PHF11: variants seen among roughly 807,000 people sequenced by gnomAD.
The protein encoded by PHF11 is PHD finger protein 11.
Under a neutral mutation model 40.5 loss-of-function variants are expected in PHF11, and 38 were observed. That is an observed-to-expected ratio of 0.94 (90% confidence interval 0.72 to 1.23). The LOEUF (loss-of-function observed/expected upper bound fraction) is 1.23, where lower values mean the gene tolerates loss of function less well. Among genes scored for constraint, PHF11 ranks in the 50% most tolerant of loss-of-function variants. The pLI, the probability that PHF11 is intolerant of heterozygous loss-of-function variation, is 0.00. For missense variants in PHF11, 369 were observed against 392.4 expected (o/e 0.94, Z 0.50); for synonymous variants, 127 against 138.2 (o/e 0.92, Z 0.57).
intron 8 of PHF11, among the ~76,000 whole-genome samples, chr13:49,524,729 G>C (rs1223822952): frequency 2.0e-5 from 3 of 151,912 alleles, no homozygotes; most frequent in Non-Finnish European, 4.4e-5. Flanking sequence ...GTCCACCTCG[G>C]CCTCCCAAAG....
At chr13:49,496,127 G>T in intron 1 of PHF11, 32 bp downstream of exon 1, 2 of 1,041,860 alleles carry the variant, frequency 1.9e-6, no homozygotes, top group African/African-American at 1.7e-5. Flanking sequence ...GGGCGGGCGG[G>T]CGGGGCTGGG....
At chr13:49,505,896 G>T (rs1958981045) in intron 1 of PHF11, among the ~76,000 whole-genome samples, 1 of 151,978 alleles carries the variant, frequency 6.6e-6, no homozygotes, top group South Asian at 2.1e-4. Flanking sequence ...AATTCTCATA[G>T]AATTTATTTT....
chr13:49,496,356 G>C (rs1958807901), intron 1 of PHF11: 23 of 1,130,746 alleles, frequency 2.0e-5, no homozygotes, highest in Non-Finnish European at 2.5e-5. Context: ...CGCGCGAGTG[G>C]TGGGCACGCT....
chr13:49,523,442 T>A (rs1337472329), intron 7 of PHF11: 3 of 579,542 alleles, frequency 5.2e-6, no homozygotes, highest in Non-Finnish European at 9.2e-6. Context: ...AATGGTCCAT[T>A]GCATTCAGTA....
Position 49,528,936 on chromosome 13 carries a change from CCAT to C in PHF11, c.*272_*274del. On this transcript the variant is annotated 3_prime_UTR_variant, in exon 10 of 10. Transcript: ENST00000378319. ...CTTAACCTTTGATTCTACTTACAGC[CCAT>C]GATAGCCTCTTAGATATAATAAATT... 3.3e-6 allele frequency: 1 copy of C among 301,976 alleles called. No homozygotes were observed. The highest frequency in any genetic ancestry group is 2.2e-5 in the African/African-American group (1 of 46,486). The allele number at this position is 301,976 out of a possible 1,614,324, so 18.7% of individuals were successfully genotyped here. A position where few individuals can be genotyped will look rare whatever the true frequency, so the allele number is the denominator to read the frequency against.
At chr13:49,496,523 C>G in intron 1 of PHF11, 1 of 865,364 alleles carries the variant, frequency 1.2e-6, no homozygotes, top group Non-Finnish European at 1.4e-6. Context: ...CTGGGTCTCA[C>G]GTTCACGGAG....
At chr13:49,517,022 C>G (rs9596129) in intron 3 of PHF11, among the ~76,000 whole-genome samples, 1 of 151,950 alleles carries the variant, frequency 6.6e-6, no homozygotes, top group Non-Finnish European at 1.5e-5. Context: ...TTATCTGGTT[C>G]GAGCTTTAAT....
chr13:49,503,215 G>A (rs748024577), intron 1 of PHF11, among the ~76,000 whole-genome samples: 1 of 151,970 alleles, frequency 6.6e-6, no homozygotes, highest in Non-Finnish European at 1.5e-5. Context: ...CCTCTACAGT[G>A]TTCCTCCTAG....
intron 5 of PHF11, chr13:49,521,372 G>A: frequency 1.0e-6 from 1 of 988,522 alleles, no homozygotes; most frequent in Non-Finnish European, 1.2e-6. Context: ...CTGGAGTCAT[G>A]GGGTATACTT....
intron 3 of PHF11, among the ~76,000 whole-genome samples, chr13:49,516,251 C>T (rs1235792173): frequency 6.6e-6 from 1 of 152,008 alleles, no homozygotes; most frequent in African/African-American, 2.4e-5. Context: ...GATCATTGTA[C>T]CTTGTCTCCA....
In PHF11 at chr13:49,523,114, C is replaced by G. The variant is rs956518729; in HGVS notation, c.571-61C>G. The G allele has an allele frequency of 6.2e-6, 7 of 1,133,160 alleles. No individual in the cohort carries two copies. In the East Asian group the frequency reaches 1.6e-4, roughly 27 times the overall value. The allele number at this position is 1,133,160 out of a possible 1,614,324, so 70.2% of individuals were successfully genotyped here. The stretch of plus-strand genomic sequence containing the variant: ...TCATTTAGTTATGCACAGCAAAAGA[C>G]TGGTTTTCATTTTATGCAATATTAA... On this transcript the variant is annotated intron_variant, in intron 6 of 9. Transcript: ENST00000378319.
Position 49,528,757 on chromosome 13 carries a change from T to A in PHF11, c.*92T>A. On this transcript the variant is annotated 3_prime_UTR_variant, in exon 10 of 10. Transcript: ENST00000378319. ...TGTGAAATCCACACATCTTTAGAAC[T>A]AGTCGTCTCCTCTTGGCCTCAGCAG... 1.1e-6 allele frequency: 1 copy of A among 872,782 alleles called. No individual in the cohort carries two copies. The highest frequency in any genetic ancestry group is 1.8e-6 in the Non-Finnish European group (1 of 560,542). The allele number at this position is 872,782 out of a possible 1,614,324, so 54.1% of individuals were successfully genotyped here.
At chr13:49,519,949 C>T (rs746786245) in intron 4 of PHF11, among the ~76,000 whole-genome samples, 27 of 152,080 alleles carry the variant, frequency 1.8e-4, no homozygotes, top group Non-Finnish European at 3.2e-4. Flanking sequence ...TGAGAGTCAG[C>T]GCCATCTGAA....
chr13:49,496,005 GCCCAGGCGTCGCCGCCCCGGC>G lies in PHF11; in HGVS notation c.7_27del (p.Gln3_Pro9del), dbSNP rs546310044. 833 of 1,485,998 alleles carry G rather than the reference GCCCAGGCGTCGCCGCCCCGGC, an allele frequency of 5.6e-4. 5 individuals are homozygous for G. The African/African-American group carries it at 0.011, about 20-fold the overall frequency. The allele number at this position is 1,485,998 out of a possible 1,614,324, so 92.1% of individuals were successfully genotyped here. On this transcript the variant is annotated inframe_deletion, in exon 1 of 10. Transcript: ENST00000378319. ...CACCCGCAGCTGCAGCACAGTCATG[GCCCAGGCGTCGCCGCCCCGGC>G]CCGAGAGGGTGCTCGGCGCCAGCAG...
chr13:49,508,216 G>A (rs1465994895), intron 2 of PHF11, among the ~76,000 whole-genome samples: 1 of 146,612 alleles, frequency 6.8e-6, no homozygotes, highest in Non-Finnish European at 1.5e-5. Flanking sequence ...AATGTGTTAT[G>A]TATTAATATA....
chr13:49,496,044 G>C lies in PHF11; in HGVS notation c.43G>C (p.Ala15Pro). 6.8e-7 allele frequency: 1 copy of C among 1,472,312 alleles called. No individual in the cohort carries two copies. Among genetic ancestry groups the C allele is most frequent in the Non-Finnish European group, 8.9e-7 (1 of 1,118,616 alleles). The allele number at this position is 1,472,312 out of a possible 1,614,324, so 91.2% of individuals were successfully genotyped here. A position where few individuals can be genotyped will look rare whatever the true frequency, so the allele number is the denominator to read the frequency against. Residue 15 changes from alanine (A) to proline (P), a missense_variant, in exon 1 of 10, where the codon GCC becomes CCC. By Grantham distance (27) the Ala-to-Pro change is conservative (BLOSUM62 -1). Coordinates refer to ENST00000378319, the MANE Select transcript of PHF11 (RefSeq NM_001040443.3). ...SPPRPERVLG[A>P]SSPEARPAQE... is the part of the protein sequence containing the mutation. ...GCCCCGGCCCGAGAGGGTGCTCGGC[G>C]CCAGCAGCCCGGAGGCCCGGCCCGC...
intron 4 of PHF11, among the ~76,000 whole-genome samples, chr13:49,519,082 G>A (rs555135124): frequency 7.2e-5 from 11 of 152,140 alleles, no homozygotes; most frequent in African/African-American, 2.7e-4. Context: ...TGATCCGCCC[G>A]CCTCGGCCTC....
At chr13:49,515,118 G>A (rs1959134995) in intron 3 of PHF11, among the ~76,000 whole-genome samples, 2 of 152,134 alleles carry the variant, frequency 1.3e-5, no homozygotes, top group Non-Finnish European at 2.9e-5. Flanking sequence ...CGGACCTTGG[G>A]ATGCAGACTT....
intron 3 of PHF11, among the ~76,000 whole-genome samples, chr13:49,515,724 C>T (rs541136063): frequency 6.6e-6 from 1 of 152,270 alleles, no homozygotes; most frequent in South Asian, 2.1e-4. Flanking sequence ...CGAGTACTGA[C>T]ACTCGCCCGA....
Sources: gnomAD v4.1 joint callset for allele counts (sites outside exome capture counted in the v4.1 genomes callset) on GRCh38, gnomAD v4.1.1 for gene constraint, MANE v1.5 for transcripts, NCBI Gene and HGNC (gene_info 2026-07-23, HGNC 2026-07-21) for gene names.